The following GMCL1 variants were observed in gnomAD, a reference collection of about 807,000 sequenced individuals.
GMCL1 encodes the protein germ cell-less 1, spermatogenesis associated.
Under a neutral mutation model 75.5 loss-of-function variants are expected in GMCL1, and 54 were observed. That is an observed-to-expected ratio of 0.71 (90% CI 0.57 to 0.90). GMCL1 has a LOEUF of 0.90. GMCL1 is among the 40% of genes least tolerant of loss of function. The probability of loss-of-function intolerance (pLI) is 0.00; values close to 1 mark genes in which losing one functional copy is unlikely to be tolerated. For synonymous variants in GMCL1, 210 were observed against 209.6 expected (o/e 1.00, Z -0.02); for missense variants, 537 against 622.7 (o/e 0.86, Z 1.47).
At chr2:69,874,032 A>G (rs1324416033) in intron 13 of GMCL1, among the ~76,000 whole-genome samples, 1 of 151,868 alleles carries the variant, frequency 6.6e-6, no homozygotes, top group Non-Finnish European at 1.5e-5. Flanking sequence ...GAACGGCATA[A>G]TATTAGTTGT....
At chr2:69,834,481 T>C (rs1358072194) in intron 1 of GMCL1, among the ~76,000 whole-genome samples, 1 of 152,240 alleles carries the variant, frequency 6.6e-6, no homozygotes, top group East Asian at 1.9e-4. Context: ...TTTAGTCTCT[T>C]TTACTTTATT....
At chr2:69,869,629 GAGTT>G in intron 11 of GMCL1, 86 bp from the exon 12 acceptor site, 1 of 1,285,890 alleles carries the variant, frequency 7.8e-7, no homozygotes, top group Non-Finnish European at 1.1e-6. Flanking sequence ...TACTTGGAAT[GAGTT>G]AGAGACAAAA....
In GMCL1 at chr2:69,856,479, G is replaced by C. The variant is rs72899272; in HGVS notation, c.1072+1519G>C. Among the ~76,000 whole-genome samples the C allele has an allele frequency of 5.4e-3, 817 of 152,040 alleles. 10 individuals are homozygous for C. The highest frequency in any genetic ancestry group is 0.018 in the African/African-American group (755 of 41,470). ...CAACTCCATTATTTCATGGAATTAGGTTTATCTTAGGTCATTAGGTTCATT... is the reference window on the plus strand; with the variant it reads ...CAACTCCATTATTTCATGGAATTAGCTTTATCTTAGGTCATTAGGTTCATT... On this transcript the variant is annotated intron_variant, in intron 9 of 13. Transcript: ENST00000282570.
At position 69,854,904 on chromosome 2, in the gene GMCL1, T is replaced by C; in HGVS notation, c.1016T>C (p.Ile339Thr). ...TTCAGACATTTAAGGTTACAATATA[T>C]TATCAGTGATCTGGCTTCTGCAAGA... The part of the protein sequence containing the change: ...SVFRHLRLQY[I>T]ISDLASARII... The change falls in exon 9 of 14, where the codon ATT (isoleucine) becomes ACT (threonine). Residue 339 changes from isoleucine (I) to threonine (T), a missense_variant. Transcript: ENST00000282570. 1 of 1,610,870 alleles carries C rather than the reference T, an allele frequency of 6.2e-7. No individual in the cohort carries two copies. Among genetic ancestry groups the C allele is most frequent in the South Asian group, 1.1e-5 (1 of 90,646 alleles).
In GMCL1 at chr2:69,837,647, T is replaced by C; in HGVS notation, c.361T>C (p.Leu121=). 1.3e-6 allele frequency: 2 copies of C among 1,599,174 alleles called. No individual in the cohort carries two copies. The highest frequency in any genetic ancestry group is 1.7e-6 in the Non-Finnish European group (2 of 1,176,170). The change falls in exon 2 of 14, where the codon TTA becomes CTA. Residue 121 remains leucine, a synonymous_variant. Transcript: ENST00000282570. ...TTGTGCTCTAGGAGAAGAATGGAGC[T>C]TACACAAAATATATTTATGTCAAGT... ...KICALGEEWS[L]HKIYLCQSGY...
At chr2:69,847,651 AT>A in intron 7 of GMCL1, 24 bp downstream of exon 7, 1 of 1,417,044 alleles carries the variant, frequency 7.1e-7, no homozygotes, top group Non-Finnish European at 1.0e-6. Context: ...ATGATGTCAT[AT>A]TATACAAGGA....
intron 11 of GMCL1, among the ~76,000 whole-genome samples, chr2:69,869,132 C>T (rs1675909533): frequency 2.6e-5 from 4 of 151,936 alleles, no homozygotes; most frequent in African/African-American, 9.7e-5. Context: ...GCCTGTAATC[C>T]CAGCTACTCA....
chr2:69,860,987 C>T (rs889611174), intron 9 of GMCL1, among the ~76,000 whole-genome samples: 6 of 152,134 alleles, frequency 3.9e-5, no homozygotes, highest in African/African-American at 4.8e-5. Context: ...GGATTACAGG[C>T]GCCCACCACC....
At chr2:69,861,621 CAT>C (rs953017202) in intron 10 of GMCL1, among the ~76,000 whole-genome samples, 24 of 152,170 alleles carry the variant, frequency 1.6e-4, no homozygotes, top group African/African-American at 5.5e-4. Context: ...CACTTAGTAT[CAT>C]ATGATTTTCT....
At chr2:69,851,667 GGGGGA>G (rs1675325100) in intron 8 of GMCL1, among the ~76,000 whole-genome samples, 1 of 152,088 alleles carries the variant, frequency 6.6e-6, no homozygotes, top group Non-Finnish European at 1.5e-5. Context: ...CCAGCTACTG[GGGGGA>G]GGATCACCTG....
At chr2:69,839,628 ATTCC>A (rs1674925077) in intron 3 of GMCL1, 75 bp downstream of exon 3, 3 of 987,714 alleles carry the variant, frequency 3.0e-6, no homozygotes, top group South Asian at 2.9e-5. Flanking sequence ...AAGATAAATA[ATTCC>A]TTCCAGCCTT....
At chr2:69,863,290 G>C (rs1675711914) in intron 10 of GMCL1, among the ~76,000 whole-genome samples, 1 of 152,160 alleles carries the variant, frequency 6.6e-6, no homozygotes. Context: ...CAAACCTGTT[G>C]TTCAAGGGTC....
intron 9 of GMCL1, among the ~76,000 whole-genome samples, chr2:69,858,981 A>G (rs1236205440): frequency 2.0e-5 from 3 of 151,946 alleles, no homozygotes; most frequent in South Asian, 2.1e-4. Context: ...CTCCGTCTCT[A>G]CTAAAATACA....
At chr2:69,846,015 A>C (rs942144197) in intron 6 of GMCL1, among the ~76,000 whole-genome samples, 1 of 151,566 alleles carries the variant, frequency 6.6e-6, no homozygotes, top group Admixed American at 6.6e-5. Context: ...TTATGTTTAA[A>C]TACATTATGG....
chr2:69,839,875 A>G (rs1674933384), intron 3 of GMCL1, among the ~76,000 whole-genome samples: 1 of 152,152 alleles, frequency 6.6e-6, no homozygotes, highest in African/African-American at 2.4e-5. Flanking sequence ...GATAAATAAT[A>G]CTGATTATTC....
intron 3 of GMCL1, among the ~76,000 whole-genome samples, chr2:69,840,488 G>A (rs899881348): frequency 6.6e-6 from 1 of 152,146 alleles, no homozygotes; most frequent in African/African-American, 2.4e-5. Context: ...GGATGAACAG[G>A]CATAGATCAC....
intron 11 of GMCL1, among the ~76,000 whole-genome samples, chr2:69,867,778 G>A (rs1312938763): frequency 2.0e-5 from 3 of 152,200 alleles, no homozygotes; most frequent in African/African-American, 4.8e-5. Flanking sequence ...CCACTTGAAT[G>A]TGGTAACCAT....
intron 4 of GMCL1, chr2:69,842,915 C>CA (rs1675024488): frequency 3.4e-6 from 1 of 291,870 alleles, no homozygotes; most frequent in South Asian, 6.6e-5. Flanking sequence ...TACTCCCCCC[C>CA]ACCTTCCATT....
intron 4 of GMCL1, among the ~76,000 whole-genome samples, chr2:69,842,506 A>T (rs1461322484): frequency 2.6e-5 from 4 of 152,120 alleles, no homozygotes; most frequent in African/African-American, 9.7e-5. Flanking sequence ...CCTTCTGCTT[A>T]CTTTTATGAT....
Sources: allele counts gnomAD v4.1 joint callset (sites outside exome capture counted in the v4.1 genomes callset), GRCh38; gene constraint gnomAD v4.1.1; transcripts MANE v1.5; gene names NCBI Gene and HGNC (gene_info 2026-07-23, HGNC 2026-07-21).